ROCK1: variants seen among roughly 807,000 people sequenced by gnomAD.
ROCK1 encodes rho-associated protein kinase 1.
In ROCK1, 36 loss-of-function variants were observed where a neutral mutation model predicts 196.8. That is an observed-to-expected ratio of 0.18 (90% CI 0.14 to 0.24). The LOEUF (loss-of-function observed/expected upper bound fraction) is 0.24, where lower values mean the gene tolerates loss of function less well. ROCK1 is among the 10% of genes least tolerant of loss of function. The probability of loss-of-function intolerance (pLI) is 1.00; values close to 1 mark genes in which losing one functional copy is unlikely to be tolerated. For synonymous variants in ROCK1, 443 were observed against 515.9 expected (o/e 0.86, Z 1.91); for missense variants, 920 against 1,562.0 (o/e 0.59, Z 6.93).
rs2035226220 is a variant in ROCK1 at position 20,954,820 on chromosome 18, G to A, written c.3816C>T (p.His1272=). Residue 1272 remains histidine (H), a synonymous_variant, in exon 31 of 33, where the codon CAC becomes CAT. Transcript: ENST00000399799. ...AAATTAAGTCCTCTTTCTTATCTAA[G>A]TGATCTCTGTGGCACTTAACATGGC... is the stretch of plus-strand genomic sequence containing the variant. The part of the protein sequence containing the change: ...RRCHVKCHRD[H]LDKKEDLICP... 1 of 1,613,268 alleles carries A rather than the reference G, an allele frequency of 6.2e-7. No homozygotes were observed. Among genetic ancestry groups the A allele is most frequent in the Non-Finnish European group, 8.5e-7 (1 of 1,179,654 alleles).
At chr18:20,966,674 A>C (rs975461017) in intron 27 of ROCK1, among the ~76,000 whole-genome samples, 2 of 152,216 alleles carry the variant, frequency 1.3e-5, no homozygotes, top group African/African-American at 4.8e-5. Context: ...TAAACCTCTT[A>C]TGGTTTTTAT....
intron 27 of ROCK1, among the ~76,000 whole-genome samples, chr18:20,960,464 C>A (rs1172481723): frequency 7.2e-5 from 11 of 151,840 alleles, no homozygotes; most frequent in African/African-American, 2.7e-4. Flanking sequence ...AGTAACAATA[C>A]CCTTAAGAGC....
intron 2 of ROCK1, among the ~76,000 whole-genome samples, chr18:21,066,420 T>A (rs995962381): frequency 8.5e-5 from 13 of 152,186 alleles, no homozygotes; most frequent in African/African-American, 3.1e-4. Context: ...TTAGGCTGAT[T>A]ACTAAATGAG....
intron 2 of ROCK1, among the ~76,000 whole-genome samples, chr18:21,058,953 T>C (rs1387416540): frequency 6.6e-6 from 1 of 152,144 alleles, no homozygotes; most frequent in African/African-American, 2.4e-5. Flanking sequence ...GTGCTACATT[T>C]TGACTGCATA....
chr18:21,017,471 T>G (rs1273869388), intron 12 of ROCK1, among the ~76,000 whole-genome samples: 1 of 151,596 alleles, frequency 6.6e-6, no homozygotes, highest in East Asian at 2.0e-4. Context: ...ATTACAGGCA[T>G]GAGCCACCGC....
chr18:20,965,174 G>C (rs1469252203), intron 27 of ROCK1, among the ~76,000 whole-genome samples: 1 of 152,140 alleles, frequency 6.6e-6, no homozygotes, highest in African/African-American at 2.4e-5. Context: ...CAGATAGCTT[G>C]AGCTCAGGAG....
At chr18:21,097,658 T>C (rs898813195) in intron 1 of ROCK1, among the ~76,000 whole-genome samples, 8 of 152,196 alleles carry the variant, frequency 5.3e-5, no homozygotes, top group Non-Finnish European at 1.0e-4. Flanking sequence ...AAAAGTAGTT[T>C]TTCCCAAGGA....
chr18:21,084,155 A>G (rs1462252990), intron 1 of ROCK1, among the ~76,000 whole-genome samples: 2 of 152,172 alleles, frequency 1.3e-5, no homozygotes, highest in African/African-American at 4.8e-5. Context: ...AAAACATAAA[A>G]GCTAGAACTA....
chr18:21,103,456 A>T, intron 1 of ROCK1, among the ~76,000 whole-genome samples: 1 of 151,494 alleles, frequency 6.6e-6, no homozygotes, highest in Non-Finnish European at 1.5e-5. Context: ...AATAAATTTT[A>T]TTTTATTATT....
intron 16 of ROCK1, among the ~76,000 whole-genome samples, chr18:21,002,311 A>G (rs1224006233): frequency 6.6e-6 from 1 of 152,238 alleles, no homozygotes; most frequent in African/African-American, 2.4e-5. Flanking sequence ...GATGTGATCT[A>G]AAACTACTAG....
Position 21,016,897 on chromosome 18 carries a change from G to GA in ROCK1, c.1362-1419dup, listed in dbSNP as rs372080158. Among the ~76,000 whole-genome samples, 277 of 150,998 alleles carry GA rather than the reference G, an allele frequency of 1.8e-3. 1 individual carries two copies. Among genetic ancestry groups the GA allele is most frequent in the Non-Finnish European group, 3.0e-3 (200 of 67,730 alleles). ...CTTAGCCCCCCCGCAAAAAAAAAGA[G>GA]AAAAAAAAATTCTCCCCAATCTAGA... On this transcript the variant is annotated intron_variant, in intron 12 of 32. Transcript: ENST00000399799.
chr18:20,957,991 T>C (rs2035262754), intron 29 of ROCK1, among the ~76,000 whole-genome samples: 2 of 152,226 alleles, frequency 1.3e-5, no homozygotes, highest in Middle Eastern at 3.4e-3. Flanking sequence ...AAATCTTGTA[T>C]TGAGTGATTA....
At chr18:21,013,881 GA>G (rs1413149281) in intron 13 of ROCK1, among the ~76,000 whole-genome samples, 1 of 151,974 alleles carries the variant, frequency 6.6e-6, no homozygotes, top group Non-Finnish European at 1.5e-5. Flanking sequence ...CTAATACAGT[GA>G]AACCCCATCT....
chr18:21,025,787 C>G (rs546310298), intron 10 of ROCK1, among the ~76,000 whole-genome samples: 2 of 152,200 alleles, frequency 1.3e-5, no homozygotes, highest in South Asian at 4.1e-4. Flanking sequence ...AGCAACCGTA[C>G]CTTTGCCTGT....
rs2036756945 is a variant in ROCK1 at position 21,111,783 on chromosome 18, T to C, written c.-873A>G. On this transcript the variant is annotated 5_prime_UTR_variant, in exon 1 of 33. Coordinates refer to ENST00000399799, the MANE Select transcript of ROCK1 (RefSeq NM_005406.3). The surrounding 1 kb of genome is among the most constrained non-coding windows in gnomAD (Gnocchi z 4.2). ...AGGGACTAATATGTCCGCCTTCCTG[T>C]TCAAACAAACGGAGACCGCCGGGGC... is the stretch of plus-strand genomic sequence containing the variant. The C allele has an allele frequency of 6.6e-6, 1 of 151,728 alleles. No individual in the cohort carries two copies. Among genetic ancestry groups the C allele is most frequent in the Non-Finnish European group, 1.5e-5 (1 of 68,004 alleles). 9.4% of individuals were successfully genotyped at this position (151,728 alleles called of 1,614,324 possible).
chr18:20,982,161 G>A (rs535887366), intron 21 of ROCK1, among the ~76,000 whole-genome samples: 3 of 152,160 alleles, frequency 2.0e-5, no homozygotes, highest in Non-Finnish European at 2.9e-5. Context: ...AAAGCATATG[G>A]GATGCTACCG....
At chr18:20,984,880 G>A (rs1486148766) in intron 19 of ROCK1, among the ~76,000 whole-genome samples, 1 of 152,116 alleles carries the variant, frequency 6.6e-6, no homozygotes, top group East Asian at 1.9e-4. Context: ...TTGGGAGGCT[G>A]AGGCAGGTGG....
At chr18:21,046,055 C>T (rs992070260) in intron 4 of ROCK1, among the ~76,000 whole-genome samples, 1 of 151,976 alleles carries the variant, frequency 6.6e-6, no homozygotes, top group Admixed American at 6.5e-5. Flanking sequence ...GGACTACAGG[C>T]ACCCGCTACC....
Position 21,110,240 on chromosome 18 carries a change from C to T in ROCK1, c.93+578G>A, listed in dbSNP as rs781109882. Among the ~76,000 whole-genome samples, 10 of 152,146 alleles carry T rather than the reference C, an allele frequency of 6.6e-5. 1 individual carries two copies. Among genetic ancestry groups the T allele is most frequent in the Admixed American group, 1.3e-4 (2 of 15,280 alleles). On this transcript the variant is annotated intron_variant, in intron 1 of 32. Transcript: ENST00000399799. Reference sequence around the variant, plus strand: ...AATAATACAATAAAATAAGTTAACACTGTAATTACCTATGACCAATTATCT... The same window carrying T: ...AATAATACAATAAAATAAGTTAACATTGTAATTACCTATGACCAATTATCT...
Sources: allele counts gnomAD v4.1 joint callset (sites outside exome capture counted in the v4.1 genomes callset), GRCh38; gene constraint gnomAD v4.1.1; non-coding constraint Gnocchi (gnomAD v3.1); transcripts MANE v1.5; gene names NCBI Gene and HGNC (gene_info 2026-07-23, HGNC 2026-07-21).